The following SRD5A3 variants were observed in gnomAD, a reference collection of about 807,000 sequenced individuals.
The protein encoded by SRD5A3 is steroid 5 alpha-reductase 3, also known as polyprenal reductase.
In SRD5A3, 24 loss-of-function variants were observed where a neutral mutation model predicts 34.3. The observed-to-expected ratio is 0.70, with a 90% CI of 0.51 to 0.99. SRD5A3 has a LOEUF of 0.99. Ranked by LOEUF, SRD5A3 falls within the 50% of genes least tolerant of loss-of-function variation. The pLI, the probability that SRD5A3 is intolerant of heterozygous loss-of-function variation, is 0.00. For missense variants in SRD5A3, 350 were observed against 388.2 expected, an observed-to-expected ratio of 0.90 and a Z score of 0.83; for synonymous variants, 161 against 167.3, an observed-to-expected ratio of 0.96 and a Z score of 0.29.
At chr4:55,347,396 A>C (rs1436371623) in intron 1 of SRD5A3, among the ~76,000 whole-genome samples, 1 of 152,212 alleles carries the variant, frequency 6.6e-6, no homozygotes, top group Non-Finnish European at 1.5e-5. Flanking sequence ...TAGGAGGCTG[A>C]GGCAGGCGGA....
chr4:55,346,582 G>C (rs769309431), intron 1 of SRD5A3, 25 bp downstream of exon 1: 8 of 1,556,330 alleles, frequency 5.1e-6, no homozygotes, highest in Non-Finnish European at 6.9e-6. Context: ...GTCCCGAGCC[G>C]CGGTGGTCAA....
chr4:55,369,478 C>T, intron 4 of SRD5A3: 1 of 296,666 alleles, frequency 3.4e-6, no homozygotes, highest in Non-Finnish European at 6.4e-6. Context: ...ACTGGTAATC[C>T]CAGCACTTTA....
At chr4:55,369,649 T>C in intron 4 of SRD5A3, 183 bp from the exon 5 acceptor site, 1 of 656,772 alleles carries the variant, frequency 1.5e-6, no homozygotes, top group Non-Finnish European at 2.6e-6. Context: ...GAGGATTGCC[T>C]GGGCCTGGAA....
chr4:55,351,109 G>GTT (rs924491923), intron 1 of SRD5A3, among the ~76,000 whole-genome samples: 2 of 144,982 alleles, frequency 1.4e-5, no homozygotes, highest in Non-Finnish European at 3.0e-5. Flanking sequence ...TTTCACTCTT[G>GTT]TTGCCCAGGC....
At chr4:55,363,514 T>G (rs527236238) in intron 2 of SRD5A3, among the ~76,000 whole-genome samples, 2 of 147,520 alleles carry the variant, frequency 1.4e-5, no homozygotes, top group African/African-American at 4.9e-5. Context: ...GTGTGTGTTT[T>G]TTTAAAGCCA....
chr4:55,365,612 C>T (rs983510159), intron 3 of SRD5A3: 1 of 152,294 alleles, frequency 6.6e-6, no homozygotes, highest in African/African-American at 2.4e-5. Context: ...CGTTACCTGC[C>T]TCTCCCGGAG....
chr4:55,365,404 G>A (rs1455067822), intron 3 of SRD5A3, among the ~76,000 whole-genome samples: 1 of 152,194 alleles, frequency 6.6e-6, no homozygotes, highest in Non-Finnish European at 1.5e-5. Context: ...ATGAATTATT[G>A]ATTGGCTCCA....
At chr4:55,363,566 G>C (rs1298398806) in intron 2 of SRD5A3, among the ~76,000 whole-genome samples, 4 of 152,168 alleles carry the variant, frequency 2.6e-5, no homozygotes, top group African/African-American at 9.7e-5. Flanking sequence ...GTGAAAGACA[G>C]GTGAGGAAGT....
At chr4:55,355,409 G>A (rs1173015081) in intron 1 of SRD5A3, among the ~76,000 whole-genome samples, 1 of 150,742 alleles carries the variant, frequency 6.6e-6, no homozygotes, top group African/African-American at 2.4e-5. Context: ...AATGAACCAA[G>A]ATCGTGCCAC....
At chr4:55,358,557 AG>A (rs1719561450) in intron 1 of SRD5A3, among the ~76,000 whole-genome samples, 1 of 141,460 alleles carries the variant, frequency 7.1e-6, no homozygotes, top group African/African-American at 2.5e-5. Flanking sequence ...AAAAAAAAAA[AG>A]AAGAAGAAGA....
chr4:55,369,730 CAAAA>C (rs3034884), intron 4 of SRD5A3, 98 bp from the exon 5 acceptor site: 653 of 1,271,072 alleles, frequency 5.1e-4, no homozygotes, highest in South Asian at 9.3e-4. Context: ...GACTTTGCCT[CAAAA>C]AAAAAAAAAA....
chr4:55,364,464 A>G, intron 3 of SRD5A3, 193 bp downstream of exon 3: 1 of 628,920 alleles, frequency 1.6e-6, no homozygotes, highest in Non-Finnish European at 2.8e-6. Context: ...TAATCCCACC[A>G]CTTTGGGAGG....
intron 2 of SRD5A3, 152 bp from the exon 3 acceptor site, chr4:55,363,922 A>T: frequency 2.5e-6 from 2 of 796,658 alleles, no homozygotes; most frequent in East Asian, 4.9e-5. Context: ...AGTGAAGTCA[A>T]ATTCCTTGAC....
chr4:55,362,056 G>C (rs1719705017), intron 2 of SRD5A3, among the ~76,000 whole-genome samples: 1 of 151,970 alleles, frequency 6.6e-6, no homozygotes, highest in South Asian at 2.1e-4. Flanking sequence ...TGTGCTGATA[G>C]GGGTTGTTCC....
At chr4:55,369,567 A>C (rs1188379250) in intron 4 of SRD5A3, 1 of 475,042 alleles carries the variant, frequency 2.1e-6, no homozygotes, top group Non-Finnish European at 3.8e-6. Flanking sequence ...CTGTCTCTAC[A>C]AAAAATTCAA....
At chr4:55,352,565 C>G (rs1719237186) in intron 1 of SRD5A3, among the ~76,000 whole-genome samples, 1 of 152,154 alleles carries the variant, frequency 6.6e-6, no homozygotes, top group African/African-American at 2.4e-5. Flanking sequence ...CTACCATATC[C>G]CTAGCTTAAC....
At chr4:55,354,827 CGTGCGCGCGT>C (rs1370600374) in intron 1 of SRD5A3, among the ~76,000 whole-genome samples, 1 of 151,658 alleles carries the variant, frequency 6.6e-6, no homozygotes, top group African/African-American at 2.4e-5. Context: ...TGCGCGCGTG[CGTGCGCGCGT>C]ACGCATGTGT....
rs771792529 is a variant in SRD5A3, at chr4:55,369,849, A to T, written c.715A>T (p.Asn239Tyr). ...KNKAGVVIHC[N>Y]HRIPFGDWFE... ...CCTTTCAGGAGTGGTCATTCACTGT[A>T]ACCACAGGATCCCATTTGGAGACTG... The change falls in exon 5 of 5, where the codon AAC becomes TAC. Residue 239 changes from asparagine (N) to tyrosine (Y), a missense_variant. Physicochemically the swap from Asn to Tyr is moderately radical, Grantham distance 143. Coordinates refer to ENST00000264228, the MANE Select transcript of SRD5A3 (RefSeq NM_024592.5). The T allele has an allele frequency of 1.2e-6, 2 of 1,614,034 alleles. No individual in the cohort carries two copies.
chr4:55,352,256 G>A (rs1719223416), intron 1 of SRD5A3: 1 of 911,120 alleles, frequency 1.1e-6, no homozygotes, highest in Non-Finnish European at 1.9e-6. Flanking sequence ...AGCAGGTAGG[G>A]TGTTGGGGAA....
Sources: allele counts gnomAD v4.1 joint callset (sites outside exome capture counted in the v4.1 genomes callset), GRCh38; gene constraint gnomAD v4.1.1; transcripts MANE v1.5; gene names NCBI Gene and HGNC (gene_info 2026-07-23, HGNC 2026-07-21).